MARCHF1: variants seen among roughly 807,000 people sequenced by gnomAD.
The protein encoded by MARCHF1 is membrane associated ring-CH-type finger 1.
MARCHF1 carries 40 observed loss-of-function variants against 54.2 expected under a neutral mutation model. The ratio of observed to expected loss-of-function variants is 0.74; its 90% CI spans 0.57 to 0.96. The LOEUF (loss-of-function observed/expected upper bound fraction) is 0.96. Among genes scored for constraint, MARCHF1 ranks in the 40% least tolerant of loss-of-function variants. MARCHF1 has a pLI of 0.00. For synonymous variants in MARCHF1, 236 were observed against 236.3 expected (o/e 1.00, Z 0.01); for missense variants, 586 against 656.5 (o/e 0.89, Z 1.17).
At chr4:163,919,701 A>G (rs895066102) in intron 3 of MARCHF1, among the ~76,000 whole-genome samples, 2 of 152,108 alleles carry the variant, frequency 1.3e-5, no homozygotes, top group Non-Finnish European at 2.9e-5. Flanking sequence ...CTGTTATCTC[A>G]ATGTATCACT....
intron 3 of MARCHF1, among the ~76,000 whole-genome samples, chr4:163,976,905 A>C (rs1191760755): frequency 1.3e-5 from 2 of 152,140 alleles, no homozygotes; most frequent in African/African-American, 4.8e-5. Flanking sequence ...AGCCAAACAC[A>C]GTTAAGCATC....
At chr4:163,943,778 C>A (rs1751966447) in intron 3 of MARCHF1, among the ~76,000 whole-genome samples, 1 of 149,406 alleles carries the variant, frequency 6.7e-6, no homozygotes, top group African/African-American at 2.5e-5. Flanking sequence ...AAAGACCACA[C>A]CTCCATCCCT....
At chr4:163,797,218 T>G (rs1266428199) in intron 4 of MARCHF1, among the ~76,000 whole-genome samples, 1 of 152,110 alleles carries the variant, frequency 6.6e-6, no homozygotes, top group South Asian at 2.1e-4. Flanking sequence ...CAGGTTTCTG[T>G]TCCTGCTATC....
At chr4:163,945,695 A>G (rs1467681549) in intron 3 of MARCHF1, among the ~76,000 whole-genome samples, 1 of 152,216 alleles carries the variant, frequency 6.6e-6, no homozygotes, top group East Asian at 1.9e-4. Context: ...TAATTCATTT[A>G]TTGAGTAATC....
chr4:164,047,814 G>A (rs1754274103), intron 2 of MARCHF1, among the ~76,000 whole-genome samples: 1 of 152,116 alleles, frequency 6.6e-6, no homozygotes, highest in Non-Finnish European at 1.5e-5. Context: ...ATAAACTTAA[G>A]TTCATATTAT....
At chr4:163,704,140 G>A (rs1480540634) in intron 4 of MARCHF1, among the ~76,000 whole-genome samples, 3 of 149,434 alleles carry the variant, frequency 2.0e-5, no homozygotes, top group African/African-American at 4.9e-5. Flanking sequence ...AAATATTTCT[G>A]CAAAAAAAAA....
At chr4:164,198,202 AAAAACATCCTGTAAAAAG>A (rs1184551302) in intron 1 of MARCHF1, among the ~76,000 whole-genome samples, 5 of 152,202 alleles carry the variant, frequency 3.3e-5, no homozygotes, top group Admixed American at 6.5e-5. Flanking sequence ...ATAAAATGCC[AAAAACATCCTGTAAAAAG>A]CTAAATCTAT....
chr4:164,185,813 A>C lies in MARCHF1; in HGVS notation c.-322-74151T>G, dbSNP rs77884318. 9.5e-4 allele frequency among the ~76,000 whole-genome samples: 43 copies of C among 45,334 alleles called. No individual in the cohort carries two copies. The South Asian group carries it at 0.013, about 14-fold the overall frequency. The allele number at this position is 45,334 out of a possible 152,430, so 29.7% of individuals were successfully genotyped here. On this transcript the variant is annotated intron_variant, in intron 1 of 9. Coordinates refer to ENST00000514618, the MANE Select transcript of MARCHF1 (RefSeq NM_001394959.1). ...TCACACACACACACACACACACAAA[A>C]AAAAAAACATTTCAAGACAATATTT...
At chr4:164,174,694 C>T (rs1730617843) in intron 1 of MARCHF1, among the ~76,000 whole-genome samples, 2 of 152,126 alleles carry the variant, frequency 1.3e-5, no homozygotes, top group Non-Finnish European at 1.5e-5. Flanking sequence ...GGAACGTAAT[C>T]TTATGTTGTT....
chr4:164,151,907 G>C (rs2110910641), intron 1 of MARCHF1, among the ~76,000 whole-genome samples: 1 of 151,782 alleles, frequency 6.6e-6, no homozygotes, highest in South Asian at 2.1e-4. Context: ...AGTTTTTATT[G>C]ACCTTTGCCC....
At chr4:163,548,233 A>G (rs2110927982) in intron 8 of MARCHF1, among the ~76,000 whole-genome samples, 1 of 152,370 alleles carries the variant, frequency 6.6e-6, no homozygotes, top group African/African-American at 2.4e-5. Flanking sequence ...TATTTAATAC[A>G]GACAGATAAA....
At chr4:163,595,362 A>T (rs1394155562) in intron 7 of MARCHF1, among the ~76,000 whole-genome samples, 2 of 152,046 alleles carry the variant, frequency 1.3e-5, no homozygotes, top group Non-Finnish European at 2.9e-5. Flanking sequence ...TAAAATAAAA[A>T]AAAAATTAGC....
chr4:164,344,560 T>C (rs1247579872), intron 1 of MARCHF1, among the ~76,000 whole-genome samples: 1 of 152,214 alleles, frequency 6.6e-6, no homozygotes. Context: ...TTTTTGTATA[T>C]TTAATTTTCT....
At chr4:164,308,263 T>C (rs1734748306) in intron 1 of MARCHF1, among the ~76,000 whole-genome samples, 1 of 152,200 alleles carries the variant, frequency 6.6e-6, no homozygotes, top group Non-Finnish European at 1.5e-5. Context: ...GCATTGAATG[T>C]GAGACATACC....
chr4:163,915,528 A>T (rs1449214437), intron 3 of MARCHF1, among the ~76,000 whole-genome samples: 2 of 152,234 alleles, frequency 1.3e-5, no homozygotes, highest in Non-Finnish European at 2.9e-5. Context: ...GGTAAAAACT[A>T]AAAAAATTGA....
intron 1 of MARCHF1, among the ~76,000 whole-genome samples, chr4:164,136,347 C>G (rs1198649542): frequency 6.6e-6 from 1 of 151,410 alleles, no homozygotes; most frequent in Non-Finnish European, 1.5e-5. Context: ...CTTGCATCAT[C>G]CTTCCTGCAG....
At chr4:163,692,553 A>G (rs751184823) in intron 5 of MARCHF1, among the ~76,000 whole-genome samples, 1 of 152,138 alleles carries the variant, frequency 6.6e-6, no homozygotes, top group Non-Finnish European at 1.5e-5. Flanking sequence ...TGAGAAGAAA[A>G]TTAGCGAGAT....
intron 5 of MARCHF1, among the ~76,000 whole-genome samples, chr4:163,638,370 G>C (rs889052884): frequency 3.3e-5 from 5 of 152,144 alleles, no homozygotes; most frequent in African/African-American, 1.2e-4. Context: ...GGTGATGAGT[G>C]AGTTCATGTG....
intron 5 of MARCHF1, among the ~76,000 whole-genome samples, chr4:163,661,471 C>G (rs146848233): frequency 3.3e-5 from 5 of 151,998 alleles, no homozygotes; most frequent in African/African-American, 9.6e-5. Flanking sequence ...CCCTTTGTGT[C>G]TCTCCTATTT....
Sources: gnomAD v4.1 joint callset for allele counts (sites outside exome capture counted in the v4.1 genomes callset) on GRCh38, gnomAD v4.1.1 for gene constraint, MANE v1.5 for transcripts, NCBI Gene and HGNC (gene_info 2026-07-23, HGNC 2026-07-21) for gene names.